Variants in ATP11A observed in about 807,000 individuals in gnomAD.
ATP11A encodes ATPase phospholipid transporting 11A.
Under a neutral mutation model 154.4 loss-of-function variants are expected in ATP11A, and 81 were observed. That is an observed-to-expected ratio of 0.52 (90% CI 0.44 to 0.63). The LOEUF (loss-of-function observed/expected upper bound fraction) is 0.63. Among genes scored for constraint, ATP11A ranks in the 30% least tolerant of loss-of-function variants. The probability of loss-of-function intolerance (pLI) is 0.00; values close to 1 mark genes in which losing one functional copy is unlikely to be tolerated. For missense variants in ATP11A, 1,316 were observed against 1,474.3 expected, an observed-to-expected ratio of 0.89 and a Z score of 1.76; for synonymous variants, 623 against 585.9, an observed-to-expected ratio of 1.06 and a Z score of -0.91.
chr13:112,785,069 ACT>A lies in ATP11A; in HGVS notation c.40-63_40-62del. ...TCCGACGAACGTGCCTCAAGGCAACACTCTGGGCAAGAGCTTTTGATGCAGGT... is the reference window on the plus strand; with the variant it reads ...TCCGACGAACGTGCCTCAAGGCAACACTGGGCAAGAGCTTTTGATGCAGGT... On this transcript the variant is annotated intron_variant, in intron 1 of 29. Transcript: ENST00000375645. This position sits in a 1 kb window ranked among gnomAD's most constrained non-coding sequence, Gnocchi z 4.8. 1 of 1,382,984 alleles carries A rather than the reference ACT, an allele frequency of 7.2e-7. No individual in the cohort carries two copies. The highest frequency in any genetic ancestry group is 1.9e-5 in the South Asian group (1 of 52,850). The allele number at this position is 1,382,984 out of a possible 1,614,324, so 85.7% of individuals were successfully genotyped here.
At chr13:112,715,372 TC>T (rs1888305900) in intron 1 of ATP11A, among the ~76,000 whole-genome samples, 1 of 68,698 alleles carries the variant, frequency 1.5e-5, no homozygotes, top group Non-Finnish European at 3.1e-5. Flanking sequence ...CTGGCCCACC[TC>T]CCCACACCTG....
intron 1 of ATP11A, among the ~76,000 whole-genome samples, chr13:112,724,194 C>T (rs988185960): frequency 3.4e-5 from 5 of 146,860 alleles, no homozygotes; most frequent in African/African-American, 1.0e-4. Flanking sequence ...TCGCCCCCAT[C>T]GGCACCATCG....
intron 1 of ATP11A, among the ~76,000 whole-genome samples, chr13:112,695,022 C>T (rs1885634082): frequency 6.6e-6 from 1 of 152,160 alleles, no homozygotes; most frequent in Non-Finnish European, 1.5e-5. Flanking sequence ...TGTGAGGTTG[C>T]CCCTTCTGAA....
intron 1 of ATP11A, among the ~76,000 whole-genome samples, chr13:112,727,006 C>T (rs1889958018): frequency 6.6e-6 from 1 of 152,172 alleles, no homozygotes; most frequent in South Asian, 2.1e-4. Context: ...CTTACTATAA[C>T]TTGGGGTTGT....
chr13:112,871,477 A>G (rs1594239830), intron 25 of ATP11A, among the ~76,000 whole-genome samples: 1 of 152,168 alleles, frequency 6.6e-6, no homozygotes, highest in Non-Finnish European at 1.5e-5. Context: ...AGTTGCAGAT[A>G]GGCAGGCTCT....
intron 29 of ATP11A, chr13:112,880,286 G>A (rs45460799): frequency 0.02 from 3,305 of 163,254 alleles, 48 homozygotes; most frequent in Non-Finnish European, 0.033. Context: ...TGCCTCCCGC[G>A]GGTGCATGGC....
intron 1 of ATP11A, among the ~76,000 whole-genome samples, chr13:112,758,136 A>C (rs544287765): frequency 6.6e-6 from 1 of 152,292 alleles, no homozygotes; most frequent in East Asian, 1.9e-4. Flanking sequence ...ATCTCGGCTC[A>C]TTGCAACCTA....
At chr13:112,798,466 A>G (rs1306561728) in intron 2 of ATP11A, among the ~76,000 whole-genome samples, 1 of 152,154 alleles carries the variant, frequency 6.6e-6, no homozygotes, top group Non-Finnish European at 1.5e-5. Context: ...AGAGTACTTT[A>G]TTCAGAATGA....
At position 112,871,757 on chromosome 13, in the gene ATP11A, G is replaced by A; in HGVS notation, c.3014G>A (p.Gly1005Glu). 1 of 1,614,176 alleles carries A rather than the reference G, an allele frequency of 6.2e-7. No individual in the cohort carries two copies. The highest frequency in any genetic ancestry group is 8.5e-7 in the Non-Finnish European group (1 of 1,180,016). Residue 1005 changes from glycine (G) to glutamate (E), a missense_variant, in exon 26 of 30, where the codon GGA (glycine) becomes GAA (glutamate). This residue lies in a region of ATP11A where 294 missense variants were observed against 290.2 expected (regional missense o/e 1.01). Transcript: ENST00000375645. ...NGQIFGNWTF[G>E]TLVFTVMVFT... ...CAGATATTTGGAAACTGGACGTTTGGAACGCTGGTATTCACCGTGATGGTG... is the reference window on the plus strand; with the variant it reads ...CAGATATTTGGAAACTGGACGTTTGAAACGCTGGTATTCACCGTGATGGTG...
In ATP11A at chr13:112,753,281, C is replaced by CT. The variant is rs1382538157; in HGVS notation, c.40-31850dup. 6.6e-5 allele frequency among the ~76,000 whole-genome samples: 10 copies of CT among 152,228 alleles called. No individual in the cohort carries two copies. Among genetic ancestry groups the CT allele is most frequent in the East Asian group, 3.8e-4 (2 of 5,202 alleles). On this transcript the variant is annotated intron_variant, in intron 1 of 29. Transcript: ENST00000375645. The surrounding 1 kb of genome is among the most constrained non-coding windows in gnomAD (Gnocchi z 4.1). The stretch of plus-strand genomic sequence containing the variant: ...TGGACAGCTGGGCTCCAATCTTCTG[C>CT]TTTTATAAATAGTGCTGCAGATGCC...
intron 2 of ATP11A, among the ~76,000 whole-genome samples, chr13:112,803,778 C>A (rs1375706055): frequency 1.9e-5 from 2 of 105,210 alleles, no homozygotes; most frequent in Non-Finnish European, 3.9e-5. Context: ...TCCTTCCTCT[C>A]CCTCCCCTCC....
chr13:112,823,308 C>A, intron 8 of ATP11A, 37 bp from the exon 9 acceptor site: 1 of 1,582,314 alleles, frequency 6.3e-7, no homozygotes, highest in African/African-American at 1.3e-5. Context: ...CACTTGCCTT[C>A]GTGTCCGCAT....
chr13:112,789,388 C>T (rs192888992), intron 2 of ATP11A, among the ~76,000 whole-genome samples: 128 of 150,776 alleles, frequency 8.5e-4, no homozygotes, highest in Middle Eastern at 3.5e-3. Flanking sequence ...ACTTAATTCA[C>T]ACCGGTGTTC....
At chr13:112,831,289 G>T in intron 12 of ATP11A, 86 bp from the exon 13 acceptor site, 1 of 1,448,138 alleles carries the variant, frequency 6.9e-7, no homozygotes, top group Non-Finnish European at 9.5e-7. Flanking sequence ...GTGGGAGCTG[G>T]GGAGGAAACA....
At chr13:112,866,272 G>T (rs982301669) in intron 25 of ATP11A, among the ~76,000 whole-genome samples, 1 of 152,272 alleles carries the variant, frequency 6.6e-6, no homozygotes, top group Non-Finnish European at 1.5e-5. Context: ...TGTGTGCTTT[G>T]TCGGTAGAAA....
At position 112,779,827 on chromosome 13, in the gene ATP11A, C is replaced by T. The variant is rs758012536; in HGVS notation, c.40-5308C>T. Among the ~76,000 whole-genome samples the T allele has an allele frequency of 1.1e-3, 160 of 152,058 alleles. 1 individual carries two copies. The highest frequency in any genetic ancestry group is 5.7e-4 in the Non-Finnish European group (39 of 68,028). ...GGCTGAGGCGGGAGAATTGCTTAAA[C>T]CTGGAAGCGGTGGTTGCAGTGAGCC... On this transcript the variant is annotated intron_variant, in intron 1 of 29. Transcript: ENST00000375645.
intron 1 of ATP11A, among the ~76,000 whole-genome samples, chr13:112,709,857 C>G (rs1044473295): frequency 1.3e-5 from 2 of 152,288 alleles, no homozygotes; most frequent in African/African-American, 2.4e-5. Flanking sequence ...AGATATTTTA[C>G]AGAGTTTGAC....
At chr13:112,806,689 C>T (rs969544289) in intron 4 of ATP11A, among the ~76,000 whole-genome samples, 3 of 151,534 alleles carry the variant, frequency 2.0e-5, no homozygotes, top group Admixed American at 1.3e-4. Flanking sequence ...TTTTTCATAG[C>T]CCCAGTAAAT....
At chr13:112,871,950 T>A in intron 26 of ATP11A, 150 bp downstream of exon 26, 1 of 796,528 alleles carries the variant, frequency 1.3e-6, no homozygotes, top group Non-Finnish European at 2.1e-6. Context: ...GGGGCACCCC[T>A]GGGCATCCTT....
Sources: gnomAD v4.1 joint callset for allele counts (sites outside exome capture counted in the v4.1 genomes callset) on GRCh38, gnomAD v4.1.1 for gene constraint, gnomAD v4.1.1 regional missense constraint, Gnocchi (gnomAD v3.1) non-coding constraint, MANE v1.5 for transcripts, NCBI Gene and HGNC (gene_info 2026-07-23, HGNC 2026-07-21) for gene names.